The following FCHSD2 variants were observed in gnomAD, a reference collection of about 807,000 sequenced individuals.
The protein encoded by FCHSD2 is FCH and double SH3 domains 2.
FCHSD2 carries 38 observed loss-of-function variants against 108.1 expected under a neutral mutation model. That is an observed-to-expected ratio of 0.35 (90% confidence interval 0.27 to 0.46). The LOEUF (loss-of-function observed/expected upper bound fraction) is 0.46, where lower values mean the gene tolerates loss of function less well. Among genes scored for constraint, FCHSD2 ranks in the 20% least tolerant of loss-of-function variants. The probability of loss-of-function intolerance (pLI) is 1.00; values close to 1 mark genes in which losing one functional copy is unlikely to be tolerated. For missense variants in FCHSD2, 751 were observed against 897.8 expected, an observed-to-expected ratio of 0.84 and a Z score of 2.09; for synonymous variants, 279 against 314.7, an observed-to-expected ratio of 0.89 and a Z score of 1.20.
At position 72,849,840 on chromosome 11, in the gene FCHSD2, A is replaced by G. The variant is rs368659761; in HGVS notation, c.1358T>C (p.Met453Thr). 1.9e-6 allele frequency: 3 copies of G among 1,613,194 alleles called. No homozygotes were observed. Among genetic ancestry groups the G allele is most frequent in the Non-Finnish European group, 1.7e-6 (2 of 1,179,140 alleles). The change falls in exon 14 of 20, where the codon ATG (methionine) becomes ACG (threonine). Residue 453 changes from methionine (M) to threonine (T), a missense_variant. By Grantham distance (81) the Met-to-Thr change is moderately conservative (BLOSUM62 -1). Coordinates refer to ENST00000409418, the MANE Select transcript of FCHSD2 (RefSeq NM_014824.3). ...REEGEEFEDN[M>T]DVFDDSSSSP... Reference sequence around the variant, plus strand: ...GGAACTGCTGTCATCGAAAACATCCATGTTATCTTCAAACTCTTCGCCTTC... The same window carrying G: ...GGAACTGCTGTCATCGAAAACATCCGTGTTATCTTCAAACTCTTCGCCTTC...
At chr11:72,903,111 T>C (rs1426778069) in intron 9 of FCHSD2, among the ~76,000 whole-genome samples, 1 of 152,250 alleles carries the variant, frequency 6.6e-6, no homozygotes, top group African/African-American at 2.4e-5. Flanking sequence ...GTAGAGTATT[T>C]CTCAGCACCT....
intron 3 of FCHSD2, among the ~76,000 whole-genome samples, chr11:73,073,255 A>G (rs1376165416): frequency 2.0e-5 from 3 of 152,238 alleles, no homozygotes; most frequent in Non-Finnish European, 4.4e-5. Context: ...CTGTTTTCAC[A>G]GATACATTTG....
chr11:73,045,775 G>C (rs890091229), intron 3 of FCHSD2, among the ~76,000 whole-genome samples: 2 of 151,880 alleles, frequency 1.3e-5, no homozygotes, highest in Non-Finnish European at 2.9e-5. Flanking sequence ...TTGTGGGGTG[G>C]GGGGAGCGGG....
chr11:73,048,249 G>A (rs774487658), intron 3 of FCHSD2, among the ~76,000 whole-genome samples: 2 of 152,058 alleles, frequency 1.3e-5, no homozygotes, highest in African/African-American at 4.8e-5. Flanking sequence ...TTTCTTCAGC[G>A]GCATCCCTCA....
intron 3 of FCHSD2, among the ~76,000 whole-genome samples, chr11:73,062,607 A>G (rs1859194132): frequency 6.6e-6 from 1 of 152,206 alleles, no homozygotes; most frequent in Non-Finnish European, 1.5e-5. Flanking sequence ...GACCCGATGG[A>G]GCTGAAATAC....
At chr11:73,075,870 T>A (rs1167168670) in intron 3 of FCHSD2, among the ~76,000 whole-genome samples, 3 of 148,704 alleles carry the variant, frequency 2.0e-5, no homozygotes, top group Non-Finnish European at 4.5e-5. Flanking sequence ...TGTAATCCCA[T>A]CACAATGGGA....
chr11:72,951,822 T>C (rs541444357), intron 8 of FCHSD2, among the ~76,000 whole-genome samples: 1 of 152,316 alleles, frequency 6.6e-6, no homozygotes, highest in East Asian at 1.9e-4. Flanking sequence ...AATATCTAAC[T>C]GAGATCAATC....
intron 2 of FCHSD2, among the ~76,000 whole-genome samples, chr11:73,086,847 T>C (rs1859828716): frequency 6.6e-6 from 1 of 152,222 alleles, no homozygotes; most frequent in Non-Finnish European, 1.5e-5. Context: ...TACAATGTGG[T>C]ATATACAATG....
At chr11:72,959,105 A>C (rs554902205) in intron 8 of FCHSD2, among the ~76,000 whole-genome samples, 2 of 151,034 alleles carry the variant, frequency 1.3e-5, no homozygotes, top group South Asian at 4.2e-4. Flanking sequence ...AAGCCACTTG[A>C]GATTCACAGG....
intron 3 of FCHSD2, among the ~76,000 whole-genome samples, chr11:73,022,609 A>G (rs2135441048): frequency 6.6e-6 from 1 of 152,342 alleles, no homozygotes; most frequent in South Asian, 2.1e-4. Flanking sequence ...AAATGGATGG[A>G]GAGACATTCC....
At chr11:72,859,855 A>G (rs1383822130) in intron 13 of FCHSD2, among the ~76,000 whole-genome samples, 1 of 152,198 alleles carries the variant, frequency 6.6e-6, no homozygotes, top group African/African-American at 2.4e-5. Context: ...CTAAAAGAGT[A>G]AAAACTTCAT....
intron 18 of FCHSD2, 72 bp from the exon 19 acceptor site, chr11:72,841,031 G>A: frequency 8.7e-7 from 1 of 1,154,310 alleles, no homozygotes. Flanking sequence ...AGGCTGGCAT[G>A]GTGGCTTGAG....
At chr11:73,014,944 A>G (rs917061324) in intron 4 of FCHSD2, among the ~76,000 whole-genome samples, 8 of 152,116 alleles carry the variant, frequency 5.3e-5, no homozygotes, top group Non-Finnish European at 1.2e-4. Context: ...CCCAGGTTCA[A>G]GCAATCCTCC....
intron 8 of FCHSD2, among the ~76,000 whole-genome samples, chr11:72,931,689 C>T (rs564054547): frequency 5.1e-4 from 77 of 151,958 alleles, no homozygotes; most frequent in African/African-American, 9.9e-4. Flanking sequence ...TGCTTGGACC[C>T]GGGAGGTGGA....
chr11:72,857,067 AC>A (rs947152600), intron 13 of FCHSD2, among the ~76,000 whole-genome samples: 53 of 152,126 alleles, frequency 3.5e-4, no homozygotes, highest in African/African-American at 1.3e-3. Flanking sequence ...TATCTTGGCA[AC>A]CCGGTTGATA....
intron 8 of FCHSD2, among the ~76,000 whole-genome samples, chr11:72,924,117 T>A (rs982332730): frequency 1.3e-5 from 2 of 152,032 alleles, no homozygotes; most frequent in Non-Finnish European, 2.9e-5. Context: ...TTTACTTTTT[T>A]AAAAAAAGTG....
At chr11:72,940,917 AG>A in intron 8 of FCHSD2, 1 of 840,356 alleles carries the variant, frequency 1.2e-6, no homozygotes, top group South Asian at 1.3e-5. Context: ...CATTCCATAA[AG>A]CTATCAGAAG....
intron 13 of FCHSD2, among the ~76,000 whole-genome samples, chr11:72,858,830 T>C (rs1449820749): frequency 1.3e-5 from 2 of 152,176 alleles, no homozygotes; most frequent in Non-Finnish European, 2.9e-5. Flanking sequence ...CCAGGCAAGA[T>C]GGAGTATCAG....
At chr11:72,921,273 GAA>G (rs1431270085) in intron 9 of FCHSD2, among the ~76,000 whole-genome samples, 7 of 152,092 alleles carry the variant, frequency 4.6e-5, no homozygotes, top group Admixed American at 2.0e-4. Context: ...AAATCTTGAA[GAA>G]AAGTCATTGC....
Sources: allele counts gnomAD v4.1 joint callset (sites outside exome capture counted in the v4.1 genomes callset), GRCh38; gene constraint gnomAD v4.1.1; transcripts MANE v1.5; gene names NCBI Gene and HGNC (gene_info 2026-07-23, HGNC 2026-07-21).